ACSBG1: variants seen among roughly 807,000 people sequenced by gnomAD.
ACSBG1 encodes long-chain-fatty-acid--CoA ligase ACSBG1.
A neutral mutation model predicts 80.2 loss-of-function variants in ACSBG1; 39 were observed. The observed-to-expected ratio is 0.49, with a 90% confidence interval of 0.38 to 0.64. The LOEUF (loss-of-function observed/expected upper bound fraction) is 0.64, where lower values mean the gene tolerates loss of function less well. Ranked by LOEUF, ACSBG1 falls within the 30% of genes least tolerant of loss-of-function variation. The pLI, the probability that ACSBG1 is intolerant of heterozygous loss-of-function variation, is 0.00. For missense variants in ACSBG1, 828 were observed against 966.4 expected, an observed-to-expected ratio of 0.86 and a Z score of 1.90; for synonymous variants, 392 against 379.5, an observed-to-expected ratio of 1.03 and a Z score of -0.38.
chr15:78,181,716 A>C (rs915700049), intron 8 of ACSBG1, among the ~76,000 whole-genome samples: 5 of 151,728 alleles, frequency 3.3e-5, no homozygotes, highest in Admixed American at 6.6e-5. Context: ...GATGGTCTTG[A>C]TCTCCTGACC....
At position 78,232,832 on chromosome 15, in the gene ACSBG1, G is replaced by A. The variant is rs934523103; in HGVS notation, c.131+1539C>T. Among the ~76,000 whole-genome samples the A allele has an allele frequency of 5.3e-5, 8 of 151,938 alleles. No individual in the cohort carries two copies. The East Asian group carries it at 1.2e-3, about 22-fold the overall frequency. On this transcript the variant is annotated intron_variant, in intron 1 of 13. Transcript: ENST00000258873. ...CCTGAGTAGCTGGGATTACAGGCAC[G>A]TACCACCACCTGGCTGTTTGTATTT...
intron 2 of ACSBG1, among the ~76,000 whole-genome samples, chr15:78,195,560 C>T (rs1177680437): frequency 1.3e-5 from 2 of 152,096 alleles, no homozygotes; most frequent in East Asian, 3.9e-4. Flanking sequence ...ACCACTGAGT[C>T]AATTTCAGGG....
At position 78,178,925 on chromosome 15, in the gene ACSBG1, G is replaced by T; in HGVS notation, c.1485-94C>A. ...GGGTCCCAACTGCTCGGTCTTCACT[G>T]ATTGCTAGAAGGTATCCCCTCACAG... On this transcript the variant is annotated intron_variant, in intron 10 of 13. Transcript: ENST00000258873. The surrounding 1 kb of genome is among the most constrained non-coding windows in gnomAD (Gnocchi z 4.3). 1 of 1,286,786 alleles carries T rather than the reference G, an allele frequency of 7.8e-7. No homozygotes were observed. The highest frequency in any genetic ancestry group is 1.1e-6 in the Non-Finnish European group (1 of 948,824). The allele number at this position is 1,286,786 out of a possible 1,614,324, so 79.7% of individuals were successfully genotyped here.
chr15:78,175,044 G>A (rs2074869390), intron 11 of ACSBG1, among the ~76,000 whole-genome samples: 2 of 152,216 alleles, frequency 1.3e-5, no homozygotes, highest in South Asian at 4.1e-4. Context: ...CTAATAAGTG[G>A]CAGAGCTAAG....
At chr15:78,203,411 T>C (rs1360906735) in intron 2 of ACSBG1, among the ~76,000 whole-genome samples, 1 of 152,240 alleles carries the variant, frequency 6.6e-6, no homozygotes, top group East Asian at 1.9e-4. Flanking sequence ...CGCTGCCTGC[T>C]GCCAATGCAG....
At chr15:78,232,747 C>T (rs993165340) in intron 1 of ACSBG1, among the ~76,000 whole-genome samples, 8 of 151,492 alleles carry the variant, frequency 5.3e-5, no homozygotes, top group Non-Finnish European at 1.0e-4. Flanking sequence ...TGCAGTGGCA[C>T]GATCTTGACT....
At chr15:78,203,501 ACT>A (rs1011575332) in intron 2 of ACSBG1, among the ~76,000 whole-genome samples, 3 of 151,818 alleles carry the variant, frequency 2.0e-5, no homozygotes, top group African/African-American at 7.3e-5. Context: ...CAAGGTTGGC[ACT>A]CTCTGCCGCC....
intron 11 of ACSBG1, among the ~76,000 whole-genome samples, chr15:78,175,335 A>G (rs1489842759): frequency 1.3e-5 from 2 of 152,110 alleles, no homozygotes; most frequent in Non-Finnish European, 2.9e-5. Flanking sequence ...ATCTAATTCA[A>G]AAAAGATTAA....
chr15:78,197,588 G>A (rs1331285468), intron 2 of ACSBG1, among the ~76,000 whole-genome samples: 1 of 151,844 alleles, frequency 6.6e-6, no homozygotes, highest in Non-Finnish European at 1.5e-5. Context: ...TGGTGGTGGT[G>A]CACATCTGTA....
intron 1 of ACSBG1, among the ~76,000 whole-genome samples, chr15:78,214,704 G>GC (rs1362072939): frequency 6.6e-6 from 1 of 152,168 alleles, no homozygotes; most frequent in East Asian, 1.9e-4. Flanking sequence ...GCTTCCCAAA[G>GC]TGCTGGGATT....
chr15:78,178,715 T>C lies in ACSBG1; in HGVS notation c.1601A>G (p.Asp534Gly). The C allele has an allele frequency of 6.2e-7, 1 of 1,614,130 alleles. No homozygotes were observed. ...TIFMGYLNME[D>G]KTCEAIDEEG... ...CTCGTCGATGGCCTCACAAGTCTTGTCCTCCATGTTCAGGTAGCCCATGAA... is the reference window on the plus strand; with the variant it reads ...CTCGTCGATGGCCTCACAAGTCTTGCCCTCCATGTTCAGGTAGCCCATGAA... Residue 534 changes from aspartate (D) to glycine (G), a missense_variant, in exon 11 of 14, where the codon GAC becomes GGC. Asp to Gly is a moderately conservative substitution (Grantham distance 94). This residue lies in a region of ACSBG1 where 271 missense variants were observed against 375.9 expected (regional missense o/e 0.72). Coordinates refer to ENST00000258873, the MANE Select transcript of ACSBG1 (RefSeq NM_015162.5). The surrounding 1 kb of genome is among the most constrained non-coding windows in gnomAD (Gnocchi z 4.3).
chr15:78,227,162 T>A (rs1296445019), intron 1 of ACSBG1, among the ~76,000 whole-genome samples: 1 of 133,728 alleles, frequency 7.5e-6, no homozygotes, highest in Non-Finnish European at 1.5e-5. Context: ...GAGGCTGCAG[T>A]GAGCCGATAT....
chr15:78,181,725 C>T (rs947129813), intron 8 of ACSBG1, among the ~76,000 whole-genome samples: 5 of 152,146 alleles, frequency 3.3e-5, no homozygotes, highest in Non-Finnish European at 7.4e-5. Flanking sequence ...GATCTCCTGA[C>T]CTCGTGATGT....
At chr15:78,221,215 G>T (rs2075357274) in intron 1 of ACSBG1, among the ~76,000 whole-genome samples, 1 of 152,098 alleles carries the variant, frequency 6.6e-6, no homozygotes, top group Non-Finnish European at 1.5e-5. Flanking sequence ...GCCGGTCTCT[G>T]AGTTCCCTCA....
In ACSBG1 at chr15:78,208,055, G is replaced by T. The variant is rs759731207; in HGVS notation, c.179C>A (p.Ala60Asp). Reference sequence around the variant, plus strand: ...CTTCTCTGGCACTGAGAGCTCGAGAGCATGGTTCAGGGACTCTTTGGAGAG... The same window carrying T: ...CTTCTCTGGCACTGAGAGCTCGAGATCATGGTTCAGGGACTCTTTGGAGAG... ...QPLSKESLNH[A>D]LELSVPEKVN... The change falls in exon 2 of 14, where the codon GCT becomes GAT. Residue 60 changes from alanine to aspartate, a missense_variant. Transcript: ENST00000258873. The T allele has an allele frequency of 1.2e-6, 2 of 1,614,092 alleles. No individual in the cohort carries two copies. Among genetic ancestry groups the T allele is most frequent in the Non-Finnish European group, 1.7e-6 (2 of 1,180,010 alleles).
intron 8 of ACSBG1, among the ~76,000 whole-genome samples, 187 bp downstream of exon 8, chr15:78,181,782 C>T (rs11856106): frequency 0.067 from 10,245 of 152,208 alleles, 372 homozygotes; most frequent in South Asian, 0.18. Context: ...CGTGAGCCAC[C>T]GTGCCCGGCC....
intron 5 of ACSBG1, among the ~76,000 whole-genome samples, chr15:78,184,375 G>T (rs1192620074): frequency 6.6e-6 from 1 of 151,870 alleles, no homozygotes; most frequent in South Asian, 2.1e-4. Flanking sequence ...AGACAGGGGG[G>T]TCTCACTATG....
chr15:78,224,417 T>C (rs1368037781), intron 1 of ACSBG1, among the ~76,000 whole-genome samples: 2 of 152,188 alleles, frequency 1.3e-5, no homozygotes, highest in African/African-American at 2.4e-5. Flanking sequence ...CAAAAAATGC[T>C]GTAGAAATTT....
chr15:78,200,244 T>G (rs4887016), intron 2 of ACSBG1, among the ~76,000 whole-genome samples: 107,287 of 151,962 alleles, frequency 0.71, 38,047 homozygotes, highest in Admixed American at 0.79. Context: ...AGGTCTGCAA[T>G]GTCAGTCTCC....
Sources: allele counts gnomAD v4.1 joint callset (sites outside exome capture counted in the v4.1 genomes callset), GRCh38; gene constraint gnomAD v4.1.1; regional missense constraint gnomAD v4.1.1; non-coding constraint Gnocchi (gnomAD v3.1); transcripts MANE v1.5; gene names NCBI Gene and HGNC (gene_info 2026-07-23, HGNC 2026-07-21).